The following NSD1 variants were observed in gnomAD, a reference collection of about 807,000 sequenced individuals.
NSD1 encodes histone-lysine N-methyltransferase, H3 lysine-36 specific.
Under a neutral mutation model 242.7 loss-of-function variants are expected in NSD1, and 26 were observed. That is an observed-to-expected ratio of 0.11 (90% confidence interval 0.08 to 0.15). The LOEUF (loss-of-function observed/expected upper bound fraction) is 0.15, where lower values mean the gene tolerates loss of function less well. Among genes scored for constraint, NSD1 ranks in the 10% least tolerant of loss-of-function variants. The pLI, the probability that NSD1 is intolerant of heterozygous loss-of-function variation, is 1.00. For synonymous variants in NSD1, 1,106 were observed against 1,178.1 expected, an observed-to-expected ratio of 0.94 and a Z score of 1.25; for missense variants, 2,495 against 3,272.8, an observed-to-expected ratio of 0.76 and a Z score of 5.80.
chr5:177,291,941 A>G lies in NSD1; in HGVS notation c.6259-13A>G. 9 of 1,612,334 alleles carry G rather than the reference A, an allele frequency of 5.6e-6. No individual in the cohort carries two copies. The highest frequency in any genetic ancestry group is 3.3e-5 in the South Asian group (3 of 90,802). ...GTTCACAGAATGCTGACTGTTCAAT[A>G]TCTGACCTGTAGAATCAACCCATTG... On this transcript the variant is annotated splice_polypyrimidine_tract_variant and intron_variant, in intron 21 of 22. Transcript: ENST00000439151.
chr5:177,132,677 C>G (rs1476658749), upstream of NSD1, among the ~76,000 whole-genome samples: 1 of 152,054 alleles, frequency 6.6e-6, no homozygotes, highest in Non-Finnish European at 1.5e-5. This position sits in a 1 kb window ranked among gnomAD's most constrained non-coding sequence, Gnocchi z 7.5. Context: ...GTGGGCTCAG[C>G]GCTGGGGTCG....
At chr5:177,278,042 C>T (rs1758541243) in intron 17 of NSD1, among the ~76,000 whole-genome samples, 1 of 152,172 alleles carries the variant, frequency 6.6e-6, no homozygotes, top group Non-Finnish European at 1.5e-5. Context: ...CATTGTAAGC[C>T]TTATGCCTTA....
At chr5:177,164,409 G>C (rs563781486) in intron 2 of NSD1, among the ~76,000 whole-genome samples, 1 of 151,800 alleles carries the variant, frequency 6.6e-6, no homozygotes. Flanking sequence ...CGCCTGCCTC[G>C]GCCTCCCAAA....
chr5:177,231,516 C>G (rs938000309), intron 5 of NSD1, among the ~76,000 whole-genome samples: 3 of 152,302 alleles, frequency 2.0e-5, no homozygotes, highest in African/African-American at 7.2e-5. Context: ...CAACCTCCAC[C>G]TTCCAGGTTC....
At chr5:177,169,106 T>C (rs911663084) in intron 2 of NSD1, among the ~76,000 whole-genome samples, 2 of 152,160 alleles carry the variant, frequency 1.3e-5, no homozygotes, top group African/African-American at 4.8e-5. Flanking sequence ...TGCAGTGGTA[T>C]TCAGAAAGCT....
rs374124805 is a variant in NSD1, at chr5:177,138,556, C to G, written c.927+2526C>G. 8.6e-4 allele frequency among the ~76,000 whole-genome samples: 130 copies of G among 151,430 alleles called. 1 individual carries two copies. In the East Asian group the frequency reaches 0.025, roughly 29 times the overall value. On this transcript the variant is annotated intron_variant, in intron 2 of 22. Coordinates refer to ENST00000439151, the MANE Select transcript of NSD1 (RefSeq NM_022455.5). The stretch of plus-strand genomic sequence containing the variant: ...CAGGCGTGAGCCACCGTACCCATCC[C>G]CTAATTTATTATTTTAGGAATTTGG...
In NSD1 at chr5:177,292,354, G is replaced by A. The variant is rs11953271; in HGVS notation, c.6463+196G>A. On this transcript the variant is annotated intron_variant, in intron 22 of 22. Transcript: ENST00000439151. ...TCTTAGTTATGAAGAATGGGACAGCGGTGCACTTGCTGTGTTTCAGGTCCT... is the reference window on the plus strand; with the variant it reads ...TCTTAGTTATGAAGAATGGGACAGCAGTGCACTTGCTGTGTTTCAGGTCCT... 0.049 allele frequency among the ~76,000 whole-genome samples: 7,429 copies of A among 152,252 alleles called. 200 individuals are homozygous for A. The highest frequency in any genetic ancestry group is 0.082 in the South Asian group (394 of 4,822).
intron 5 of NSD1, among the ~76,000 whole-genome samples, chr5:177,218,103 A>G (rs1355989909): frequency 6.6e-6 from 1 of 152,086 alleles, no homozygotes; most frequent in Non-Finnish European, 1.5e-5. Flanking sequence ...TGTACAGGTC[A>G]GGTTTTACTA....
At chr5:177,151,425 G>C (rs993011902) in intron 2 of NSD1, among the ~76,000 whole-genome samples, 1 of 151,966 alleles carries the variant, frequency 6.6e-6, no homozygotes, top group Non-Finnish European at 1.5e-5. Context: ...TTTCGCTCTT[G>C]TTGCCCAGGC....
At chr5:177,147,299 G>A (rs1429794948) in intron 2 of NSD1, among the ~76,000 whole-genome samples, 3 of 152,016 alleles carry the variant, frequency 2.0e-5, no homozygotes, top group Non-Finnish European at 4.4e-5. Context: ...TAGAGATGGG[G>A]TTTTACCATG....
chr5:177,159,100 T>G (rs1206854680), intron 2 of NSD1, among the ~76,000 whole-genome samples: 5 of 147,876 alleles, frequency 3.4e-5, no homozygotes, highest in Non-Finnish European at 5.9e-5. Context: ...AGGAGTGCAG[T>G]GGTGCCATTT....
intron 2 of NSD1, among the ~76,000 whole-genome samples, chr5:177,160,222 T>C (rs1274792749): frequency 6.6e-6 from 1 of 152,138 alleles, no homozygotes; most frequent in Non-Finnish European, 1.5e-5. Flanking sequence ...TGTCTTTGTC[T>C]GGTGTTGGTA....
At chr5:177,282,232 C>CT (rs1204266076) in intron 18 of NSD1, among the ~76,000 whole-genome samples, 1 of 152,172 alleles carries the variant, frequency 6.6e-6, no homozygotes, top group African/African-American at 2.4e-5. Flanking sequence ...TCTGGAGGAT[C>CT]TTTAGTATCC....
chr5:177,140,084 T>A (rs982486587), intron 2 of NSD1, among the ~76,000 whole-genome samples: 1 of 152,312 alleles, frequency 6.6e-6, no homozygotes, highest in South Asian at 2.1e-4. Context: ...ACTGTTTGCC[T>A]CTTGTCACGA....
At chr5:177,172,851 A>G (rs1759825462) in intron 2 of NSD1, among the ~76,000 whole-genome samples, 1 of 148,780 alleles carries the variant, frequency 6.7e-6, no homozygotes, top group African/African-American at 2.5e-5. Context: ...AGTCCCTGCT[A>G]GTTGGGAGGC....
At chr5:177,142,242 CA>C (rs1756885631) in intron 2 of NSD1, among the ~76,000 whole-genome samples, 1 of 152,032 alleles carries the variant, frequency 6.6e-6, no homozygotes, top group South Asian at 2.1e-4. Flanking sequence ...ACCTTGCAGT[CA>C]ATCATTTAAA....
At chr5:177,165,837 TCTTCTAGC>T (rs556118016) in intron 2 of NSD1, among the ~76,000 whole-genome samples, 67 of 152,158 alleles carry the variant, frequency 4.4e-4, no homozygotes, top group East Asian at 1.4e-3. Context: ...GCTCAAGCAA[TCTTCTAGC>T]CTTCTAGCCT....
intron 6 of NSD1, among the ~76,000 whole-genome samples, chr5:177,236,193 ATTG>A (rs1765423696): frequency 6.6e-6 from 1 of 152,170 alleles, no homozygotes; most frequent in South Asian, 2.1e-4. Context: ...ACTTAGGAAT[ATTG>A]TTATGATTTA....
At chr5:177,159,022 A>ATATG (rs1554173423) in intron 2 of NSD1, among the ~76,000 whole-genome samples, 9 of 121,418 alleles carry the variant, frequency 7.4e-5, no homozygotes, top group South Asian at 5.7e-4. Context: ...ATATATATAT[A>ATATG]TATGAATGAT....
Sources: gnomAD v4.1 joint callset for allele counts (sites outside exome capture counted in the v4.1 genomes callset) on GRCh38, gnomAD v4.1.1 for gene constraint, Gnocchi (gnomAD v3.1) non-coding constraint, MANE v1.5 for transcripts, NCBI Gene and HGNC (gene_info 2026-07-23, HGNC 2026-07-21) for gene names.